The following DRC2 variants were observed in gnomAD, a reference collection of about 807,000 sequenced individuals.
DRC2 encodes the protein dynein regulatory complex subunit 2, also known as coiled-coil domain containing 65.
chr12:48,919,211 C>G, the DRC2 span, among the ~76,000 whole-genome samples: 9 of 145,404 alleles, frequency 6.2e-5, no homozygotes, highest in African/African-American at 2.3e-4. Context: ...CCCTGGTGAG[C>G]CCCTTCCTAC....
At chr12:48,916,469 G>A in the DRC2 span, among the ~76,000 whole-genome samples, 48,687 of 151,052 alleles carry the variant, frequency 0.32, 8,766 homozygotes, top group Admixed American at 0.47. Flanking sequence ...GCGTGGAGGC[G>A]CGCGCCTGCA....
the DRC2 span, among the ~76,000 whole-genome samples, chr12:48,919,671 C>T: frequency 6.6e-6 from 1 of 152,016 alleles, no homozygotes; most frequent in Non-Finnish European, 1.5e-5. Context: ...GTGCGCACCA[C>T]CACACCCGGC....
the DRC2 span, chr12:48,904,609 A>C: frequency 8.0e-7 from 1 of 1,251,674 alleles, no homozygotes; most frequent in Non-Finnish European, 1.1e-6. Context: ...TTCAGGCAAC[A>C]TTGTTTGGGA....
the DRC2 span, among the ~76,000 whole-genome samples, chr12:48,910,846 A>T: frequency 5.9e-5 from 9 of 152,078 alleles, no homozygotes; most frequent in African/African-American, 2.2e-4. Context: ...GGAGTTCGAG[A>T]TCGGCCTGGG....
chr12:48,908,227 A>AT, the DRC2 span, among the ~76,000 whole-genome samples: 4 of 151,990 alleles, frequency 2.6e-5, no homozygotes, highest in Admixed American at 2.6e-4. Context: ...AAATTTTTAA[A>AT]TTTTTTATAG....
chr12:48,920,441 TAAA>T, the DRC2 span, among the ~76,000 whole-genome samples: 37 of 67,812 alleles, frequency 5.5e-4, no homozygotes, highest in South Asian at 1.1e-3. Context: ...AACTCCATCT[TAAA>T]AAAAAAAAAA....
At chr12:48,914,835 T>A in the DRC2 span, among the ~76,000 whole-genome samples, 2 of 152,056 alleles carry the variant, frequency 1.3e-5, no homozygotes, top group South Asian at 2.1e-4. Flanking sequence ...TTCACTATTT[T>A]TTTCTTTATT....
chr12:48,908,134 G>A, the DRC2 span, among the ~76,000 whole-genome samples: 2 of 152,020 alleles, frequency 1.3e-5, no homozygotes, highest in African/African-American at 4.8e-5. Flanking sequence ...TAGAGACAAG[G>A]TCTCGCTGTG....
chr12:48,905,768 A>ATTAT, the DRC2 span, among the ~76,000 whole-genome samples: 391 of 151,718 alleles, frequency 2.6e-3, no homozygotes, highest in African/African-American at 7.4e-3. Flanking sequence ...AGTCTTTTCC[A>ATTAT]TTATTTATTT....
chr12:48,920,857 CAG>C, the DRC2 span: 2 of 1,460,588 alleles, frequency 1.4e-6, no homozygotes, highest in African/African-American at 2.8e-5. Flanking sequence ...TGGGTTCAAA[CAG>C]GGGAACCAAC....
the DRC2 span, among the ~76,000 whole-genome samples, chr12:48,920,441 T>TTA: frequency 2.3e-3 from 154 of 67,806 alleles, 16 homozygotes; most frequent in South Asian, 0.016. Context: ...AACTCCATCT[T>TTA]AAAAAAAAAA....
At chr12:48,905,529 C>G in the DRC2 span, among the ~76,000 whole-genome samples, 1 of 152,198 alleles carries the variant, frequency 6.6e-6, no homozygotes, top group Non-Finnish European at 1.5e-5. Context: ...CTCCATTCAA[C>G]TAAATTGTTT....
chr12:48,918,854 C>A, the DRC2 span: 2 of 1,614,082 alleles, frequency 1.2e-6, no homozygotes, highest in Admixed American at 1.7e-5. Context: ...GTCAGACTCA[C>A]CCTGGAAAGT....
chr12:48,914,124 TG>T, the DRC2 span, among the ~76,000 whole-genome samples: 15 of 151,386 alleles, frequency 9.9e-5, no homozygotes, highest in African/African-American at 1.5e-4. Flanking sequence ...TTTGTAGAGA[TG>T]GGGGGGTCTC....
chr12:48,907,200 G>A, the DRC2 span, among the ~76,000 whole-genome samples: 1 of 152,086 alleles, frequency 6.6e-6, no homozygotes, highest in Non-Finnish European at 1.5e-5. Flanking sequence ...GGGTGACAGA[G>A]CGAGACTCCG....
the DRC2 span, chr12:48,914,675 C>G: frequency 2.8e-6 from 3 of 1,072,588 alleles, no homozygotes; most frequent in South Asian, 4.9e-5. Flanking sequence ...CTTGGAGCAT[C>G]CCACATTGAT....
chr12:48,915,156 C>T, the DRC2 span, among the ~76,000 whole-genome samples: 1 of 140,702 alleles, frequency 7.1e-6, no homozygotes, highest in South Asian at 2.2e-4. Flanking sequence ...GTGTTTCTCA[C>T]AGAGGGGGAT....
the DRC2 span, among the ~76,000 whole-genome samples, chr12:48,915,569 C>A: frequency 6.6e-6 from 1 of 152,044 alleles, no homozygotes; most frequent in South Asian, 2.1e-4. Context: ...CCTTTCCCCC[C>A]TTTCTATTCC....
the DRC2 span, among the ~76,000 whole-genome samples, chr12:48,907,968 C>G: frequency 1.0e-3 from 153 of 152,272 alleles, 1 homozygote; most frequent in African/African-American, 3.6e-3. Flanking sequence ...TTTTTTGAGA[C>G]AGAGTCTCAC....
Sources: gnomAD v4.1 joint callset for allele counts (sites outside exome capture counted in the v4.1 genomes callset) on GRCh38, gnomAD v4.1.1 for gene constraint, MANE v1.5 for transcripts, NCBI Gene and HGNC (gene_info 2026-07-23, HGNC 2026-07-21) for gene names.